MED13L: variants seen among roughly 807,000 people sequenced by gnomAD.
The protein encoded by MED13L is mediator of RNA polymerase II transcription subunit 13-like.
In MED13L, 7 loss-of-function variants were observed where a neutral mutation model predicts 220.9. The ratio of observed to expected loss-of-function variants is 0.03; its 90% confidence interval spans 0.02 to 0.06. The LOEUF (loss-of-function observed/expected upper bound fraction) is 0.06, where lower values mean the gene tolerates loss of function less well. Among genes scored for constraint, MED13L ranks in the 10% least tolerant of loss-of-function variants. The pLI, the probability that MED13L is intolerant of heterozygous loss-of-function variation, is 1.00. For synonymous variants in MED13L, 1,011 were observed against 1,015.2 expected (o/e 1.00, Z 0.08); for missense variants, 1,965 against 2,760.5 (o/e 0.71, Z 6.46).
chr12:116,130,773 A>T (rs1876001066), intron 2 of MED13L, among the ~76,000 whole-genome samples: 1 of 152,210 alleles, frequency 6.6e-6, no homozygotes, highest in Admixed American at 6.5e-5. Flanking sequence ...AGCTGCATGC[A>T]GTCCTCTAAC....
At chr12:116,090,350 A>G (rs1872091280) in intron 4 of MED13L, among the ~76,000 whole-genome samples, 1 of 152,206 alleles carries the variant, frequency 6.6e-6, no homozygotes, top group Non-Finnish European at 1.5e-5. Flanking sequence ...TCGTTACTCA[A>G]GTTAACATAA....
intron 4 of MED13L, among the ~76,000 whole-genome samples, chr12:116,063,807 A>G (rs1489145935): frequency 2.0e-5 from 3 of 152,218 alleles, no homozygotes; most frequent in Non-Finnish European, 4.4e-5. Flanking sequence ...ACAGTGGTAG[A>G]GTCATCCCAC....
chr12:116,138,066 G>A (rs1277913275), intron 2 of MED13L, among the ~76,000 whole-genome samples: 2 of 151,920 alleles, frequency 1.3e-5, no homozygotes, highest in African/African-American at 4.8e-5. Context: ...ATGTTGGCCA[G>A]GCTGGTCTCG....
chr12:116,114,969 C>A (rs1029414213), intron 2 of MED13L, among the ~76,000 whole-genome samples: 1 of 152,060 alleles, frequency 6.6e-6, no homozygotes, highest in Non-Finnish European at 1.5e-5. Context: ...TAGAAAAATT[C>A]TTGATGCCAA....
chr12:116,137,783 G>A (rs1383343284), intron 2 of MED13L, among the ~76,000 whole-genome samples: 3 of 151,614 alleles, frequency 2.0e-5, no homozygotes, highest in Non-Finnish European at 2.9e-5. Context: ...TAAAAAATAC[G>A]GTGTTGTACC....
At chr12:115,979,823 C>T (rs993233744) in intron 23 of MED13L, among the ~76,000 whole-genome samples, 1 of 152,108 alleles carries the variant, frequency 6.6e-6, no homozygotes, top group Non-Finnish European at 1.5e-5. Context: ...GCTTTTTATA[C>T]CTATCTTCAA....
chr12:116,147,633 C>T (rs1194236583), intron 2 of MED13L, among the ~76,000 whole-genome samples: 1 of 152,120 alleles, frequency 6.6e-6, no homozygotes, highest in African/African-American at 2.4e-5. Context: ...ATCTTGACAG[C>T]ACGATATGCT....
At chr12:116,221,146 A>G (rs1868400135) in intron 2 of MED13L, among the ~76,000 whole-genome samples, 1 of 152,158 alleles carries the variant, frequency 6.6e-6, no homozygotes, top group African/African-American at 2.4e-5. Context: ...AGGCTGAGGC[A>G]GGTGGATGGC....
At chr12:116,052,083 A>T (rs1387586534) in intron 4 of MED13L, among the ~76,000 whole-genome samples, 2 of 105,824 alleles carry the variant, frequency 1.9e-5, no homozygotes, top group Admixed American at 9.3e-5. Flanking sequence ...ACACATACAC[A>T]CACACACACA....
intron 1 of MED13L, among the ~76,000 whole-genome samples, chr12:116,257,082 TC>T (rs768043868): frequency 3.3e-5 from 5 of 152,242 alleles, no homozygotes; most frequent in Non-Finnish European, 7.3e-5. Context: ...TATTTTCATG[TC>T]TGACTACTTC....
At chr12:116,168,331 CAA>C (rs79130692) in intron 2 of MED13L, among the ~76,000 whole-genome samples, 25 of 120,224 alleles carry the variant, frequency 2.1e-4, no homozygotes, top group East Asian at 2.5e-4. Context: ...ATTTTTCTGG[CAA>C]AAAAAAAAAA....
rs190308249 is a variant in MED13L, at chr12:116,018,738, C to T, written c.1009+486G>A. Among the ~76,000 whole-genome samples, 9 of 152,206 alleles carry T rather than the reference C, an allele frequency of 5.9e-5. No homozygotes were observed. In the East Asian group the frequency reaches 1.7e-3, roughly 29 times the overall value. On this transcript the variant is annotated intron_variant, in intron 7 of 30. Coordinates refer to ENST00000281928, the MANE Select transcript of MED13L (RefSeq NM_015335.5). ...ATTTATTATTAATGCAGACACTTTA[C>T]TGACAGAGAAAAGTATTTATTCAGA...
chr12:116,251,130 G>A (rs1340328002), intron 1 of MED13L, among the ~76,000 whole-genome samples: 6 of 145,710 alleles, frequency 4.1e-5, no homozygotes, highest in African/African-American at 1.5e-4. Context: ...ATCCAAAGTA[G>A]GTTTAAAAAA....
At chr12:116,180,407 A>G (rs1441016088) in intron 2 of MED13L, among the ~76,000 whole-genome samples, 1 of 152,222 alleles carries the variant, frequency 6.6e-6, no homozygotes, top group African/African-American at 2.4e-5. Context: ...AAGATGTTGC[A>G]TAAAATTAAC....
At chr12:116,016,719 T>C (rs1460086646) in intron 7 of MED13L, among the ~76,000 whole-genome samples, 2 of 152,120 alleles carry the variant, frequency 1.3e-5, no homozygotes, top group Admixed American at 6.6e-5. Context: ...AAAATCTGAG[T>C]GGTATCTTAG....
At chr12:116,105,105 C>T (rs1156390404) in intron 3 of MED13L, among the ~76,000 whole-genome samples, 4 of 152,124 alleles carry the variant, frequency 2.6e-5, no homozygotes, top group Non-Finnish European at 5.9e-5. Context: ...ACTAAAAATG[C>T]CAAATGAAGA....
intron 2 of MED13L, among the ~76,000 whole-genome samples, chr12:116,212,896 A>T (rs1565931139): frequency 1.3e-5 from 2 of 152,180 alleles, no homozygotes; most frequent in Non-Finnish European, 2.9e-5. Context: ...GAAAGTGGAG[A>T]GTTAATGCTC....
At position 116,277,182 on chromosome 12, in the gene MED13L, C is replaced by CCGAGG. The variant is rs1473102086; in HGVS notation, c.-56_-52dup. ...AGCGGGGCATGTCGGAGCGAGGCGT[C>CCGAGG]CGAGGCGAGGCCGGGCCGGGCGGCG... On this transcript the variant is annotated 5_prime_UTR_variant, in exon 1 of 31. Transcript: ENST00000281928. 2 of 1,398,532 alleles carry CCGAGG rather than the reference C, an allele frequency of 1.4e-6. No individual in the cohort carries two copies. The highest frequency in any genetic ancestry group is 1.3e-5 in the South Asian group (1 of 74,824). The allele number at this position is 1,398,532 out of a possible 1,614,324, so 86.6% of individuals were successfully genotyped here. A position where few individuals can be genotyped will look rare whatever the true frequency, so the allele number is the denominator to read the frequency against.
chr12:116,042,607 G>A (rs1272759830), intron 4 of MED13L, among the ~76,000 whole-genome samples: 4 of 152,162 alleles, frequency 2.6e-5, no homozygotes, highest in African/African-American at 9.7e-5. Context: ...TCTTAAATCA[G>A]CCCCCTGAAT....
Sources: gnomAD v4.1 joint callset for allele counts (sites outside exome capture counted in the v4.1 genomes callset) on GRCh38, gnomAD v4.1.1 for gene constraint, MANE v1.5 for transcripts, NCBI Gene and HGNC (gene_info 2026-07-23, HGNC 2026-07-21) for gene names.